The following ATF6 variants were observed in gnomAD, a reference collection of about 807,000 sequenced individuals.
ATF6 encodes activating transcription factor 6.
In ATF6, 53 loss-of-function variants were observed where a neutral mutation model predicts 83.6. That is an observed-to-expected ratio of 0.63 (90% CI 0.51 to 0.80). The LOEUF (loss-of-function observed/expected upper bound fraction) is 0.80, where lower values mean the gene tolerates loss of function less well. Ranked by LOEUF, ATF6 falls within the 30% of genes least tolerant of loss-of-function variation. The probability of loss-of-function intolerance (pLI) is 0.00; values close to 1 mark genes in which losing one functional copy is unlikely to be tolerated. For missense variants in ATF6, 744 were observed against 797.9 expected (o/e 0.93, Z 0.81); for synonymous variants, 288 against 285.8 (o/e 1.01, Z -0.08).
At position 161,950,085 on chromosome 1, in the gene ATF6, T is replaced by C. The variant is rs149112920; in HGVS notation, c.1805-8361T>C. 3.3e-5 allele frequency among the ~76,000 whole-genome samples: 5 copies of C among 152,354 alleles called. No homozygotes were observed. The East Asian group carries it at 9.6e-4, about 29-fold the overall frequency. On this transcript the variant is annotated intron_variant, in intron 15 of 15. Transcript: ENST00000367942. ...GCAGTTATTCTAGCCTTTGAATACATTTTTCCCCTGAATATTCGTGGTGTT... is the reference window on the plus strand; with the variant it reads ...GCAGTTATTCTAGCCTTTGAATACACTTTTCCCCTGAATATTCGTGGTGTT...
At chr1:161,782,905 C>G (rs1684670265) in intron 3 of ATF6, among the ~76,000 whole-genome samples, 1 of 152,152 alleles carries the variant, frequency 6.6e-6, no homozygotes, top group Admixed American at 6.5e-5. Flanking sequence ...ACCGGGTGCT[C>G]CAAGGATGGC....
chr1:161,819,818 G>C lies in ATF6; in HGVS notation c.1095G>C (p.Glu365Asp), dbSNP rs140946697. The C allele has an allele frequency of 6.2e-7, 1 of 1,606,778 alleles. No individual in the cohort carries two copies. Among genetic ancestry groups the C allele is most frequent in the Non-Finnish European group, 8.5e-7 (1 of 1,176,842 alleles). ...GGCAGCTGGATGAAGTTGTGTCAGA[G>C]GTAAGTGTTAGTAATACGGCTGAGT... The part of the protein sequence containing the change: ...LKRQLDEVVS[E>D]NQRLKVPSPK... The change falls in exon 8 of 16, where the codon GAG becomes GAC. Residue 365 changes from glutamate (E) to aspartate (D), a missense_variant and splice_region_variant. Transcript: ENST00000367942.
At chr1:161,807,865 CTTTTTTTTTTTTTTTTTTTT>C (rs761462420) in intron 7 of ATF6, among the ~76,000 whole-genome samples, 3,113 of 32,770 alleles carry the variant, frequency 0.095, 151 homozygotes, top group Middle Eastern at 0.2. Context: ...AGTTTGTCAT[CTTTTTTTTTTTTTTTTTTTT>C]TTTTTTTTTT....
At chr1:161,819,330 C>T (rs1465695068) in intron 7 of ATF6, among the ~76,000 whole-genome samples, 1 of 151,814 alleles carries the variant, frequency 6.6e-6, no homozygotes, top group Non-Finnish European at 1.5e-5. Context: ...TGTATATATG[C>T]ATATATATTT....
At chr1:161,879,717 G>A (rs1368189296) in intron 14 of ATF6, among the ~76,000 whole-genome samples, 1 of 151,994 alleles carries the variant, frequency 6.6e-6, no homozygotes, top group Non-Finnish European at 1.5e-5. Flanking sequence ...TCTTTATGCA[G>A]TAGCTTTTAT....
At chr1:161,814,857 A>G (rs1334620609) in intron 7 of ATF6, among the ~76,000 whole-genome samples, 1 of 152,224 alleles carries the variant, frequency 6.6e-6, no homozygotes, top group Non-Finnish European at 1.5e-5. Context: ...CAATGATTTT[A>G]ACTATGTGTG....
chr1:161,921,078 G>A (rs974417954), intron 15 of ATF6, among the ~76,000 whole-genome samples: 2 of 152,162 alleles, frequency 1.3e-5, no homozygotes, highest in African/African-American at 4.8e-5. Flanking sequence ...GAAGTCCACA[G>A]CAAAGAATCA....
At chr1:161,807,019 G>A (rs1447649813) in intron 7 of ATF6, among the ~76,000 whole-genome samples, 1 of 152,050 alleles carries the variant, frequency 6.6e-6, no homozygotes, top group Non-Finnish European at 1.5e-5. Context: ...CATGTGTATA[G>A]CAAGCAGAAA....
chr1:161,895,756 C>T (rs1396888854), intron 14 of ATF6, among the ~76,000 whole-genome samples: 2 of 152,122 alleles, frequency 1.3e-5, no homozygotes, highest in African/African-American at 4.8e-5. Flanking sequence ...TGCTTTTTCC[C>T]TCCCCCTAGA....
At chr1:161,889,051 C>G (rs1266910331) in intron 14 of ATF6, among the ~76,000 whole-genome samples, 1 of 152,202 alleles carries the variant, frequency 6.6e-6, no homozygotes, top group Non-Finnish European at 1.5e-5. Context: ...CTCCTACAAG[C>G]CTTGAAGCAA....
At position 161,860,269 on chromosome 1, in the gene ATF6, T is replaced by A; in HGVS notation, c.1596T>A (p.Ser532Arg). 1 of 1,600,578 alleles carries A rather than the reference T, an allele frequency of 6.2e-7. No individual in the cohort carries two copies. Among genetic ancestry groups the A allele is most frequent in the Non-Finnish European group, 8.5e-7 (1 of 1,173,110 alleles). Residue 532 changes from serine (S) to arginine (R), a missense_variant, in exon 13 of 16, where the codon AGT becomes AGA. By Grantham distance (110) the Ser-to-Arg change is moderately radical. Transcript: ENST00000367942. ...CTGTTCAATACACAGAAACCACTAG[T>A]AGTATCAGGTAAGACAGTGCAGAAG... ...LMAVQYTETT[S>R]SISRNSGSEL...
At chr1:161,845,922 T>C (rs1686475057) in intron 9 of ATF6, among the ~76,000 whole-genome samples, 1 of 152,094 alleles carries the variant, frequency 6.6e-6, no homozygotes, top group Non-Finnish European at 1.5e-5. Flanking sequence ...AATAGAAGTT[T>C]TTACATATAA....
At chr1:161,782,488 A>C (rs1447949382) in intron 3 of ATF6, among the ~76,000 whole-genome samples, 1 of 152,220 alleles carries the variant, frequency 6.6e-6, no homozygotes, top group Non-Finnish European at 1.5e-5. Flanking sequence ...GCAAATTGCC[A>C]GTGCTGGGAT....
chr1:161,820,696 C>G (rs545901757), intron 8 of ATF6, among the ~76,000 whole-genome samples: 1 of 151,956 alleles, frequency 6.6e-6, no homozygotes, highest in Non-Finnish European at 1.5e-5. Context: ...TGCGGTGATC[C>G]GAGATGATGC....
At chr1:161,859,939 T>C (rs1210207945) in intron 12 of ATF6, among the ~76,000 whole-genome samples, 1 of 152,152 alleles carries the variant, frequency 6.6e-6, no homozygotes, top group African/African-American at 2.4e-5. Context: ...GTCATAAAAT[T>C]TGTGGTGCTT....
At chr1:161,940,707 T>A (rs548335692) in intron 15 of ATF6, among the ~76,000 whole-genome samples, 312 of 152,178 alleles carry the variant, frequency 2.1e-3, no homozygotes, top group African/African-American at 7.0e-3. Context: ...TACAGGCATG[T>A]GCCACCACAC....
chr1:161,834,786 A>G (rs938752284), intron 9 of ATF6, among the ~76,000 whole-genome samples: 1 of 152,180 alleles, frequency 6.6e-6, no homozygotes, highest in Non-Finnish European at 1.5e-5. Context: ...AATAATAATA[A>G]CAAAACAAAA....
Position 161,843,767 on chromosome 1 carries a change from G to A in ATF6, c.1188-2682G>A, listed in dbSNP as rs559601169. Among the ~76,000 whole-genome samples the A allele has an allele frequency of 7.6e-4, 116 of 152,226 alleles. 1 individual carries two copies. The South Asian group carries it at 0.023, about 30-fold the overall frequency. Reference sequence around the variant, plus strand: ...TTAATTCATAAGTAGATAAACCTACGTTTTTACAGATTTAGAAGGAGCTTT... The same window carrying A: ...TTAATTCATAAGTAGATAAACCTACATTTTTACAGATTTAGAAGGAGCTTT... On this transcript the variant is annotated intron_variant, in intron 9 of 15. Transcript: ENST00000367942.
intron 6 of ATF6, among the ~76,000 whole-genome samples, chr1:161,800,757 A>G (rs1211483544): frequency 6.6e-6 from 1 of 152,192 alleles, no homozygotes; most frequent in African/African-American, 2.4e-5. Flanking sequence ...AGCAGTTGAG[A>G]GACTGGAAGT....
Sources: allele counts gnomAD v4.1 joint callset (sites outside exome capture counted in the v4.1 genomes callset), GRCh38; gene constraint gnomAD v4.1.1; transcripts MANE v1.5; gene names NCBI Gene and HGNC (gene_info 2026-07-23, HGNC 2026-07-21).